CTNNA3: variants seen among roughly 807,000 people sequenced by gnomAD.
The protein encoded by CTNNA3 is catenin alpha 3.
Under a neutral mutation model 95.7 loss-of-function variants are expected in CTNNA3, and 76 were observed. The observed-to-expected ratio is 0.79, with a 90% CI of 0.66 to 0.96. The LOEUF (loss-of-function observed/expected upper bound fraction) is 0.96. Ranked by LOEUF, CTNNA3 falls within the 40% of genes least tolerant of loss-of-function variation. The pLI, the probability that CTNNA3 is intolerant of heterozygous loss-of-function variation, is 0.00. For missense variants in CTNNA3, 1,191 were observed against 1,089.8 expected, an observed-to-expected ratio of 1.09 and a Z score of -1.31; for synonymous variants, 431 against 374.4, an observed-to-expected ratio of 1.15 and a Z score of -1.74.
rs554022776 is a variant in CTNNA3 at position 66,208,986 on chromosome 10, G to A, written c.1884+71484C>T. ...AAGTAAAATGAGTATATATTTTATG[G>A]TATATTTATAGTAAAATATACCATG... On this transcript the variant is annotated intron_variant, in intron 13 of 17. Coordinates refer to ENST00000433211, the MANE Select transcript of CTNNA3 (RefSeq NM_013266.4). Among the ~76,000 whole-genome samples, 59 of 152,016 alleles carry A rather than the reference G, an allele frequency of 3.9e-4. No individual in the cohort carries two copies. The South Asian group carries it at 0.011, about 27-fold the overall frequency.
chr10:67,330,458 C>T (rs751754593), intron 5 of CTNNA3, among the ~76,000 whole-genome samples: 46 of 152,138 alleles, frequency 3.0e-4, no homozygotes, highest in Non-Finnish European at 4.7e-4. Flanking sequence ...ACATATAAAG[C>T]GATTGGCACA....
intron 13 of CTNNA3, among the ~76,000 whole-genome samples, chr10:66,242,658 G>A (rs1482921569): frequency 6.6e-6 from 1 of 152,182 alleles, no homozygotes; most frequent in African/African-American, 2.4e-5. Flanking sequence ...GGACCAGTCA[G>A]AACCCTTATG....
intron 11 of CTNNA3, among the ~76,000 whole-genome samples, chr10:66,417,126 A>G (rs1162991238): frequency 2.0e-5 from 3 of 152,060 alleles, no homozygotes; most frequent in Non-Finnish European, 4.4e-5. Context: ...TGATCCAACT[A>G]CATGCCACCT....
intron 11 of CTNNA3, among the ~76,000 whole-genome samples, chr10:66,481,900 G>T (rs999095587): frequency 8.6e-5 from 13 of 151,914 alleles, no homozygotes; most frequent in South Asian, 8.3e-4. Flanking sequence ...CAGCAACACA[G>T]GTATTTGTAT....
At chr10:67,252,125 C>T (rs1322114200) in intron 5 of CTNNA3, among the ~76,000 whole-genome samples, 6 of 150,394 alleles carry the variant, frequency 4.0e-5, no homozygotes, top group African/African-American at 1.5e-4. Context: ...GTGGGAGAAT[C>T]GTTTGAACCC....
intron 13 of CTNNA3, among the ~76,000 whole-genome samples, chr10:66,189,649 T>TAC (rs1292175476): frequency 5.0e-5 from 7 of 139,734 alleles, no homozygotes; most frequent in Admixed American, 2.1e-4. Context: ...CATATATATA[T>TAC]ACACACACAC....
At chr10:67,207,743 G>A (rs748473871) in intron 6 of CTNNA3, among the ~76,000 whole-genome samples, 5 of 152,210 alleles carry the variant, frequency 3.3e-5, no homozygotes, top group Admixed American at 6.5e-5. Context: ...AAGATTACCC[G>A]AATACTCAGT....
At chr10:67,717,243 A>G (rs543387209) in intron 1 of CTNNA3, among the ~76,000 whole-genome samples, 1 of 152,232 alleles carries the variant, frequency 6.6e-6, no homozygotes, top group East Asian at 1.9e-4. Flanking sequence ...ATAGATTGCA[A>G]AAATGTTCTC....
chr10:66,494,033 G>A (rs978798269), intron 11 of CTNNA3, among the ~76,000 whole-genome samples: 3 of 147,454 alleles, frequency 2.0e-5, no homozygotes, highest in African/African-American at 5.2e-5. Context: ...TCAGCCTCTC[G>A]AGTAGCTAGG....
chr10:67,171,910 GA>G (rs1216852744), intron 7 of CTNNA3, among the ~76,000 whole-genome samples: 5 of 152,032 alleles, frequency 3.3e-5, no homozygotes, highest in Non-Finnish European at 7.4e-5. Flanking sequence ...GTTTTAGAAG[GA>G]AAAAAATATT....
At chr10:66,360,979 T>C (rs2092669779) in intron 12 of CTNNA3, among the ~76,000 whole-genome samples, 1 of 149,938 alleles carries the variant, frequency 6.7e-6, no homozygotes, top group South Asian at 2.1e-4. Context: ...TTTTAAGAGA[T>C]GGAGTCTCAC....
At chr10:66,900,063 C>A (rs549478837) in intron 7 of CTNNA3, among the ~76,000 whole-genome samples, 1 of 152,286 alleles carries the variant, frequency 6.6e-6, no homozygotes, top group East Asian at 1.9e-4. Context: ...ATCCCTGACT[C>A]TGTGTAGCCT....
intron 7 of CTNNA3, among the ~76,000 whole-genome samples, chr10:66,846,181 A>AT (rs143298134): frequency 0.25 from 37,677 of 152,006 alleles, 4,987 homozygotes; most frequent in Admixed American, 0.38. Context: ...CCTGGCGGAC[A>AT]TTATGCTAAA....
chr10:65,944,050 G>A (rs1589155208), intron 17 of CTNNA3, among the ~76,000 whole-genome samples: 1 of 152,214 alleles, frequency 6.6e-6, no homozygotes, highest in African/African-American at 2.4e-5. Context: ...TTCTATAAAT[G>A]TCCCTAGGAA....
intron 7 of CTNNA3, among the ~76,000 whole-genome samples, chr10:66,989,507 T>A (rs888207194): frequency 2.0e-5 from 3 of 152,170 alleles, no homozygotes; most frequent in Non-Finnish European, 4.4e-5. Context: ...ATGGTTTGAT[T>A]GTTATATATG....
At chr10:67,548,289 T>C (rs1180043468) in intron 3 of CTNNA3, among the ~76,000 whole-genome samples, 1 of 152,220 alleles carries the variant, frequency 6.6e-6, no homozygotes, top group Non-Finnish European at 1.5e-5. Context: ...AAGCAGATGC[T>C]GGTGCTATGC....
intron 7 of CTNNA3, among the ~76,000 whole-genome samples, chr10:66,859,105 T>C (rs550215260): frequency 6.6e-6 from 1 of 152,242 alleles, no homozygotes; most frequent in East Asian, 1.9e-4. Context: ...AACACTTTTG[T>C]ATTCAAATGT....
chr10:66,402,024 T>A (rs2093025691), intron 11 of CTNNA3, among the ~76,000 whole-genome samples: 1 of 152,070 alleles, frequency 6.6e-6, no homozygotes, highest in Admixed American at 6.6e-5. Flanking sequence ...GATAGTGAGG[T>A]TAAAATGCTC....
chr10:66,885,018 G>A (rs1001385694), intron 7 of CTNNA3, among the ~76,000 whole-genome samples: 4 of 152,070 alleles, frequency 2.6e-5, no homozygotes, highest in Non-Finnish European at 5.9e-5. Context: ...TGACAGCACT[G>A]TATGTGATGT....
Sources: gnomAD v4.1 joint callset for allele counts (sites outside exome capture counted in the v4.1 genomes callset) on GRCh38, gnomAD v4.1.1 for gene constraint, MANE v1.5 for transcripts, NCBI Gene and HGNC (gene_info 2026-07-23, HGNC 2026-07-21) for gene names.